The following GTF2A1L variants were observed in gnomAD, a reference collection of about 807,000 sequenced individuals.
GTF2A1L encodes the protein TFIIA-alpha and beta-like factor.
GTF2A1L carries 48 observed loss-of-function variants against 49.7 expected under a neutral mutation model. That is an observed-to-expected ratio of 0.97 (90% confidence interval 0.77 to 1.23). GTF2A1L has a LOEUF of 1.23. Among genes scored for constraint, GTF2A1L ranks in the 50% most tolerant of loss-of-function variants. The pLI is 0.00. For missense variants in GTF2A1L, 736 were observed against 564.8 expected, an observed-to-expected ratio of 1.30 and a Z score of -3.07; for synonymous variants, 246 against 193.5, an observed-to-expected ratio of 1.27 and a Z score of -2.25.
intron 3 of GTF2A1L, among the ~76,000 whole-genome samples, chr2:48,624,068 T>C (rs1676165539): frequency 6.9e-6 from 1 of 145,772 alleles, no homozygotes; most frequent in Admixed American, 6.9e-5. Flanking sequence ...CAGAAACTTG[T>C]TTGCTCTATC....
chr2:48,617,863 G>A lies in GTF2A1L; in HGVS notation c.-12G>A. 6.4e-7 allele frequency: 1 copy of A among 1,551,812 alleles called. No homozygotes were observed. Among genetic ancestry groups the A allele is most frequent in the Non-Finnish European group, 8.7e-7 (1 of 1,147,026 alleles). On this transcript the variant is annotated 5_prime_UTR_variant, in exon 1 of 9. Coordinates refer to ENST00000403751, the MANE Select transcript of GTF2A1L (RefSeq NM_006872.5). ...GCGCAGGCGCAAAGGGCCAGGTGCT[G>A]GAGGTGCTGTCATGGCCTGCCTCAA...
intron 8 of GTF2A1L, among the ~76,000 whole-genome samples, chr2:48,674,516 A>C (rs934731785): frequency 1.4e-4 from 21 of 152,222 alleles, no homozygotes; most frequent in Admixed American, 6.5e-5. Flanking sequence ...GAAAACCGCA[A>C]TTTAGATGCT....
rs546480136 is a variant in GTF2A1L, at chr2:48,652,520, C to T, written c.978+5478C>T. Among the ~76,000 whole-genome samples, 142 of 151,076 alleles carry T rather than the reference C, an allele frequency of 9.4e-4. 1 individual carries two copies. In the South Asian group the frequency reaches 0.013, roughly 14 times the overall value. On this transcript the variant is annotated intron_variant, in intron 6 of 8. Coordinates refer to ENST00000403751, the MANE Select transcript of GTF2A1L (RefSeq NM_006872.5). ...AATCCCAGCTACTCGGGATCTGAGGCAAGAGAATCACTTGAACCTGGGAGG... is the reference window on the plus strand; with the variant it reads ...AATCCCAGCTACTCGGGATCTGAGGTAAGAGAATCACTTGAACCTGGGAGG...
chr2:48,618,598 G>A (rs1366427290), intron 1 of GTF2A1L, among the ~76,000 whole-genome samples: 2 of 152,114 alleles, frequency 1.3e-5, no homozygotes, highest in South Asian at 2.1e-4. Flanking sequence ...TATGGGTTCC[G>A]GGTATTATAT....
rs114735942 is a variant in GTF2A1L, at chr2:48,629,707, G to C, written c.247+8417G>C. Among the ~76,000 whole-genome samples the C allele has an allele frequency of 2.1e-3, 299 of 144,342 alleles. 19 individuals carry two copies. Among genetic ancestry groups the C allele is most frequent in the African/African-American group, 7.1e-3 (288 of 40,668 alleles). The allele number at this position is 144,342 out of a possible 152,430, so 94.7% of individuals were successfully genotyped here. A position where few individuals can be genotyped will look rare whatever the true frequency, so the allele number is the denominator to read the frequency against. On this transcript the variant is annotated intron_variant, in intron 3 of 8. Transcript: ENST00000403751. ...CTTCTGAAGTTTGCTTCAAGGTTAGGTCTTGAATCCAAAGGGAAAGGAAAA... is the reference window on the plus strand; with the variant it reads ...CTTCTGAAGTTTGCTTCAAGGTTAGCTCTTGAATCCAAAGGGAAAGGAAAA...
chr2:48,648,233 G>A (rs1050221192), intron 6 of GTF2A1L, among the ~76,000 whole-genome samples: 2 of 151,604 alleles, frequency 1.3e-5, no homozygotes, highest in Non-Finnish European at 2.9e-5. Flanking sequence ...TTTTTTTTAC[G>A]TTTTTTAACA....
Position 48,668,115 on chromosome 2 carries a change from C to T in GTF2A1L, c.979-1607C>T, listed in dbSNP as rs575701622. On this transcript the variant is annotated intron_variant, in intron 6 of 8. Transcript: ENST00000403751. ...GTCTGTTTTTATGAATTTGCCTGTT[C>T]TAGGTACCTCATATAAGTGGAATCA... Among the ~76,000 whole-genome samples, 8 of 152,228 alleles carry T rather than the reference C, an allele frequency of 5.3e-5. No homozygotes were observed. In the East Asian group the frequency reaches 9.6e-4, roughly 18 times the overall value.
At chr2:48,653,045 T>C (rs1007450074) in intron 6 of GTF2A1L, among the ~76,000 whole-genome samples, 2 of 151,546 alleles carry the variant, frequency 1.3e-5, no homozygotes, top group African/African-American at 4.8e-5. Context: ...CTGGCTAACA[T>C]GGTGAAACCC....
In GTF2A1L at chr2:48,669,840, A is replaced by C. The variant is rs769847046; in HGVS notation, c.1097A>C (p.Asp366Ala). Residue 366 changes from aspartate (D) to alanine (A), a missense_variant, in exon 7 of 9, where the codon GAT (aspartate) becomes GCT (alanine). Transcript: ENST00000403751. ...SSNEEIGSTRDADENEFLGNI... is the reference protein window; with the variant it reads ...SSNEEIGSTRAADENEFLGNI... ...AATGAAGAAATAGGAAGTACAAGAG[A>C]TGCAGATGAGAATGAATTTCTAGGG... 5.0e-6 allele frequency: 8 copies of C among 1,613,940 alleles called. No homozygotes were observed. In the South Asian group the frequency reaches 7.7e-5, roughly 16 times the overall value.
intron 6 of GTF2A1L, among the ~76,000 whole-genome samples, chr2:48,656,353 T>C (rs921062728): frequency 2.6e-4 from 35 of 134,344 alleles, no homozygotes; most frequent in African/African-American, 1.2e-3. Flanking sequence ...TTTCTGTTTT[T>C]TTTTTTTTTT....
chr2:48,637,946 C>T (rs1160607924), intron 3 of GTF2A1L, among the ~76,000 whole-genome samples: 2 of 152,022 alleles, frequency 1.3e-5, no homozygotes, highest in Non-Finnish European at 2.9e-5. Context: ...CTATTGTGAA[C>T]AACACCTCTA....
intron 1 of GTF2A1L, among the ~76,000 whole-genome samples, chr2:48,618,848 G>A (rs1675812373): frequency 6.6e-6 from 1 of 152,134 alleles, no homozygotes; most frequent in African/African-American, 2.4e-5. Context: ...GGTCATAGAA[G>A]AGAAAATATG....
chr2:48,644,212 G>C (rs1230823540), intron 4 of GTF2A1L, among the ~76,000 whole-genome samples: 2 of 152,062 alleles, frequency 1.3e-5, no homozygotes, highest in Non-Finnish European at 2.9e-5. Context: ...AAAATAAAGA[G>C]TTCTGTAGTC....
intron 3 of GTF2A1L, among the ~76,000 whole-genome samples, chr2:48,633,714 T>C (rs935270158): frequency 2.0e-5 from 3 of 152,180 alleles, no homozygotes; most frequent in Non-Finnish European, 4.4e-5. Flanking sequence ...TGATCTAATG[T>C]TTTCAGTAGG....
At chr2:48,618,768 G>A (rs982407917) in intron 1 of GTF2A1L, among the ~76,000 whole-genome samples, 1 of 152,150 alleles carries the variant, frequency 6.6e-6, no homozygotes, top group Non-Finnish European at 1.5e-5. Context: ...AGGAGTGTCT[G>A]TATTTTAAAT....
chr2:48,630,957 C>A (rs934092980), intron 3 of GTF2A1L, among the ~76,000 whole-genome samples: 3 of 152,002 alleles, frequency 2.0e-5, no homozygotes, highest in Non-Finnish European at 4.4e-5. Flanking sequence ...ACTTTACATC[C>A]CAGGAATGAA....
At chr2:48,618,043 C>T in intron 1 of GTF2A1L, 148 bp downstream of exon 1, 1 of 826,918 alleles carries the variant, frequency 1.2e-6, no homozygotes, top group Non-Finnish European at 1.9e-6. Flanking sequence ...CTCTTCTTCA[C>T]GTCTGTGTTG....
chr2:48,654,632 C>T (rs1678067059), intron 6 of GTF2A1L, among the ~76,000 whole-genome samples: 1 of 152,214 alleles, frequency 6.6e-6, no homozygotes, highest in Non-Finnish European at 1.5e-5. Flanking sequence ...GATCCCCCTG[C>T]CTCAGCCTCT....
intron 6 of GTF2A1L, 36 bp downstream of exon 6, chr2:48,647,078 A>T: frequency 6.6e-7 from 1 of 1,504,944 alleles, no homozygotes; most frequent in Non-Finnish European, 8.9e-7. Context: ...GTATCAGGGG[A>T]CAGATAGTGG....
Sources: gnomAD v4.1 joint callset for allele counts (sites outside exome capture counted in the v4.1 genomes callset) on GRCh38, gnomAD v4.1.1 for gene constraint, MANE v1.5 for transcripts, NCBI Gene and HGNC (gene_info 2026-07-23, HGNC 2026-07-21) for gene names.